The following STOX2 variants were observed in gnomAD, a reference collection of about 807,000 sequenced individuals.
STOX2 encodes storkhead box 2, also known as storkhead-box protein 2.
A neutral mutation model predicts 60.9 loss-of-function variants in STOX2; 28 were observed. The observed-to-expected ratio is 0.46, with a 90% confidence interval of 0.34 to 0.63. The LOEUF (loss-of-function observed/expected upper bound fraction) is 0.63, where lower values mean the gene tolerates loss of function less well. Ranked by LOEUF, STOX2 falls within the 30% of genes least tolerant of loss-of-function variation. The pLI is 0.01. For synonymous variants in STOX2, 472 were observed against 463.9 expected, an observed-to-expected ratio of 1.02 and a Z score of -0.22; for missense variants, 1,024 against 1,187.7, an observed-to-expected ratio of 0.86 and a Z score of 2.03.
intron 1 of STOX2, among the ~76,000 whole-genome samples, chr4:183,998,126 G>A (rs1423193727): frequency 6.6e-6 from 1 of 152,152 alleles, no homozygotes; most frequent in African/African-American, 2.4e-5. Flanking sequence ...ATCATATTTA[G>A]TATTTTTGTA....
At chr4:183,936,417 CTT>C (rs11340665) in intron 1 of STOX2, among the ~76,000 whole-genome samples, 7 of 144,930 alleles carry the variant, frequency 4.8e-5, no homozygotes, top group East Asian at 2.0e-4. Context: ...TATTTTCTCT[CTT>C]TTTTTTTTTT....
In STOX2 at chr4:184,017,211, A is replaced by AG; in HGVS notation, c.2709dup (p.Pro904AlafsTer5). On this transcript the variant is annotated frameshift_variant, in exon 4 of 4. Transcript: ENST00000308497. LOFTEE classifies it high-confidence loss of function. The stretch of plus-strand genomic sequence containing the variant: ...GCCTTCAACTTCCGAGCGAGCGCGG[A>AG]GCCCCCGACAAATGAAGCTGAGAAG... The AG allele has an allele frequency of 6.2e-7, 1 of 1,611,370 alleles. No homozygotes were observed. The highest frequency in any genetic ancestry group is 8.5e-7 in the Non-Finnish European group (1 of 1,178,724).
At chr4:183,982,120 C>A (rs1297166136) in intron 1 of STOX2, among the ~76,000 whole-genome samples, 1 of 152,170 alleles carries the variant, frequency 6.6e-6, no homozygotes, top group Admixed American at 6.5e-5. Context: ...AGTCACCTTC[C>A]CACTTTGGGC....
intron 1 of STOX2, among the ~76,000 whole-genome samples, chr4:183,801,640 G>T (rs781658539): frequency 2.0e-5 from 3 of 152,212 alleles, no homozygotes; most frequent in Non-Finnish European, 4.4e-5. Context: ...TGGGGCGGGA[G>T]TTCCTGCAGA....
At position 183,844,530 on chromosome 4, in the gene STOX2, T is replaced by A. The variant is rs572193011; in HGVS notation, c.364+46475T>A. On this transcript the variant is annotated intron_variant, in intron 1 of 2. Coordinates refer to the STOX2 transcript ENST00000513034. Reference sequence around the variant, plus strand: ...CAATTTGGTTGTCAAATTGTGTGAATTGTGAAAAAATAGCCCTGAGTACAG... The same window carrying A: ...CAATTTGGTTGTCAAATTGTGTGAAATGTGAAAAAATAGCCCTGAGTACAG... 5.4e-4 allele frequency among the ~76,000 whole-genome samples: 82 copies of A among 152,316 alleles called. 2 individuals are homozygous for A. In the South Asian group the frequency reaches 0.016, roughly 30 times the overall value.
At chr4:183,889,930 G>A (rs551644305) in intron 1 of STOX2, among the ~76,000 whole-genome samples, 7 of 152,218 alleles carry the variant, frequency 4.6e-5, no homozygotes, top group African/African-American at 1.7e-4. Flanking sequence ...CTGTTTAGAG[G>A]CCATACAAGA....
In STOX2 at chr4:183,930,064, C is replaced by T. The variant is rs189875572; in HGVS notation, c.166+23108C>T. Among the ~76,000 whole-genome samples the T allele has an allele frequency of 3.7e-3, 563 of 151,962 alleles. 14 individuals carry two copies. Among genetic ancestry groups the T allele is most frequent in the Admixed American group, 0.025 (380 of 15,264 alleles). ...ATTTTTAGTAGAGATGGAGTTTCAC[C>T]GTATTAGCCAGGATGGGTCTCGATC... On this transcript the variant is annotated intron_variant, in intron 1 of 3. Coordinates refer to ENST00000308497, the MANE Select transcript of STOX2 (RefSeq NM_020225.3).
At chr4:183,992,538 GTTCT>G (rs1405274202) in intron 1 of STOX2, among the ~76,000 whole-genome samples, 1 of 152,210 alleles carries the variant, frequency 6.6e-6, no homozygotes, top group Non-Finnish European at 1.5e-5. Flanking sequence ...AGGAATTTAT[GTTCT>G]TTCTTATGTG....
rs1306934901 is a variant in STOX2, at chr4:184,010,501, T to C, written c.1663T>C (p.Cys555Arg). The C allele has an allele frequency of 1.2e-6, 2 of 1,613,700 alleles. No homozygotes were observed. Among genetic ancestry groups the C allele is most frequent in the African/African-American group, 2.7e-5 (2 of 74,912 alleles). ...HISSTSYKEV[C>R]IPEIVSGSKE... ...TTCGTCCACAAGCTATAAAGAGGTG[T>C]GTATTCCAGAGATAGTCAGTGGCAG... The change falls in exon 3 of 4, where the codon TGT (cysteine) becomes CGT (arginine). Residue 555 changes from cysteine (C) to arginine (R), a missense_variant. Around this residue, in one of 3 missense-constraint regions of STOX2, gnomAD observed 922 missense variants for 1,058.3 expected, o/e 0.87. Coordinates refer to ENST00000308497, the MANE Select transcript of STOX2 (RefSeq NM_020225.3). The surrounding 1 kb of genome is among the most constrained non-coding windows in gnomAD (Gnocchi z 4.5).
chr4:183,917,267 G>A (rs113128702), intron 1 of STOX2, among the ~76,000 whole-genome samples: 6,899 of 152,338 alleles, frequency 0.045, 231 homozygotes, highest in South Asian at 0.071. Context: ...GATTGTGGTG[G>A]ATCGGTAATC....
chr4:183,985,048 G>A (rs1446905108), intron 1 of STOX2, among the ~76,000 whole-genome samples: 3 of 152,252 alleles, frequency 2.0e-5, no homozygotes, highest in African/African-American at 4.8e-5. Flanking sequence ...TTGCCTGACC[G>A]TGTATATTCT....
At chr4:183,860,442 C>CAAAAAAAAAAAAAAAAAA (rs35753992) in intron 1 of STOX2, among the ~76,000 whole-genome samples, 36 of 121,368 alleles carry the variant, frequency 3.0e-4, no homozygotes, top group Non-Finnish European at 3.6e-4. Flanking sequence ...AAACAAAAAA[C>CAAAAAAAAAAAAAAAAAA]AAAAAAAAAA....
chr4:183,885,170 C>T (rs1019640424), intron 1 of STOX2, among the ~76,000 whole-genome samples: 7 of 152,068 alleles, frequency 4.6e-5, no homozygotes, highest in East Asian at 1.9e-4. Context: ...AGAGTATAGT[C>T]GCCCACCGCC....
intron 1 of STOX2, among the ~76,000 whole-genome samples, chr4:183,948,540 C>CTTTTTTTTTTTTTTTTTTTTTTTTT (rs10687778): frequency 1.3e-5 from 1 of 78,182 alleles, no homozygotes; most frequent in Non-Finnish European, 2.3e-5. Context: ...ATGCCTTATC[C>CTTTTTTTTTTTTTTTTTTTTTTTTT]TTTTTTTTTT....
At position 183,825,660 on chromosome 4, in the gene STOX2, A is replaced by G. The variant is rs1042340203; in HGVS notation, c.364+27605A>G. 6.6e-6 allele frequency among the ~76,000 whole-genome samples: 1 copy of G among 152,018 alleles called. No individual in the cohort carries two copies. Among genetic ancestry groups the G allele is most frequent in the Admixed American group, 6.5e-5 (1 of 15,270 alleles). ...GGTGAAGCCCTGAGCATGGGCTTCCATTGTTATTTTCTGAGGATAGCTTGA... is the reference window on the plus strand; with the variant it reads ...GGTGAAGCCCTGAGCATGGGCTTCCGTTGTTATTTTCTGAGGATAGCTTGA... On this transcript the variant is annotated intron_variant, in intron 1 of 2. Transcript: ENST00000513034. This position sits in a 1 kb window ranked among gnomAD's most constrained non-coding sequence, Gnocchi z 4.1.
At chr4:183,798,308 G>A (rs541755254) in intron 1 of STOX2, among the ~76,000 whole-genome samples, 95 of 151,072 alleles carry the variant, frequency 6.3e-4, no homozygotes, top group African/African-American at 2.2e-3. Flanking sequence ...GAGCCTCCCC[G>A]GTGGCGGGCG....
intron 1 of STOX2, among the ~76,000 whole-genome samples, chr4:183,971,828 ATTC>A (rs910315975): frequency 6.6e-6 from 1 of 152,232 alleles, no homozygotes; most frequent in African/African-American, 2.4e-5. Flanking sequence ...GTAGTGATGG[ATTC>A]TTCTTCCGAG....
chr4:184,020,710 A>G lies in STOX2; in HGVS notation c.*3426A>G, dbSNP rs1311902411. 2 of 152,198 alleles carry G rather than the reference A, an allele frequency of 1.3e-5. No individual in the cohort carries two copies. Among genetic ancestry groups the G allele is most frequent in the African/African-American group, 4.8e-5 (2 of 41,448 alleles). The allele number at this position is 152,198 out of a possible 1,614,324, so 9.4% of individuals were successfully genotyped here. A position where few individuals can be genotyped will look rare whatever the true frequency, so the allele number is the denominator to read the frequency against. ...GGGGGGGGTGCCATCAAATAGAGAA[A>G]ACAAATAGAAGAGGTGAATGGAGAC... On this transcript the variant is annotated 3_prime_UTR_variant, in exon 4 of 4. Transcript: ENST00000308497.
At chr4:183,862,953 G>A (rs1231096935) in intron 1 of STOX2, among the ~76,000 whole-genome samples, 1 of 152,146 alleles carries the variant, frequency 6.6e-6, no homozygotes, top group African/African-American at 2.4e-5. Flanking sequence ...GAGGGCCTAA[G>A]GCTTGTTGCA....
Sources: gnomAD v4.1 joint callset for allele counts (sites outside exome capture counted in the v4.1 genomes callset) on GRCh38, gnomAD v4.1.1 for gene constraint, gnomAD v4.1.1 regional missense constraint, Gnocchi (gnomAD v3.1) non-coding constraint, MANE v1.5 for transcripts, NCBI Gene and HGNC (gene_info 2026-07-23, HGNC 2026-07-21) for gene names.